Variants in FAM131B observed in about 807,000 individuals in gnomAD.
The protein encoded by FAM131B is family with sequence similarity 131 member B, also known as protein FAM131B.
FAM131B carries 19 observed loss-of-function variants against 42.0 expected under a neutral mutation model. The ratio of observed to expected loss-of-function variants is 0.45; its 90% CI spans 0.32 to 0.66. The LOEUF is 0.66. FAM131B is among the 30% of genes least tolerant of loss of function. The probability of loss-of-function intolerance (pLI) is 0.05; values close to 1 mark genes in which losing one functional copy is unlikely to be tolerated. For missense variants in FAM131B, 370 were observed against 468.4 expected (o/e 0.79, Z 1.94); for synonymous variants, 183 against 177.6 (o/e 1.03, Z -0.24).
chr7:143,380,176 C>T, the FAM131B span: 2 of 984,206 alleles, frequency 2.0e-6, no homozygotes, highest in Non-Finnish European at 1.2e-6. This position sits in a 1 kb window ranked among gnomAD's most constrained non-coding sequence, Gnocchi z 5.0. Context: ...AAGGCCATGA[C>T]TCCTTAGTTT....
chr7:143,371,875 A>C, the FAM131B span, among the ~76,000 whole-genome samples: 5 of 152,226 alleles, frequency 3.3e-5, no homozygotes, highest in African/African-American at 1.2e-4. Context: ...TAACAAGGCC[A>C]TTGTGGCTGA....
rs1803865598 is a variant in FAM131B, at chr7:143,359,786, G to A, written c.139-19C>T. On this transcript the variant is annotated intron_variant, in intron 2 of 6. Coordinates refer to ENST00000443739, the MANE Select transcript of FAM131B (RefSeq NM_001031690.3). This position sits in a 1 kb window ranked among gnomAD's most constrained non-coding sequence, Gnocchi z 5.4. ...GAGTTTGCTGTGAGGAGAGAGGAAA[G>A]GGAATGGGCATCCCAGTCACTCGCA... 6.4e-7 allele frequency: 1 copy of A among 1,560,700 alleles called. No individual in the cohort carries two copies. Among genetic ancestry groups the A allele is most frequent in the Non-Finnish European group, 8.7e-7 (1 of 1,152,308 alleles).
upstream of FAM131B, among the ~76,000 whole-genome samples, chr7:143,367,519 A>G (rs916478428): frequency 6.6e-6 from 1 of 152,180 alleles, no homozygotes; most frequent in Non-Finnish European, 1.5e-5. Flanking sequence ...AGCCTGACCA[A>G]TATGGTGAAA....
upstream of FAM131B, among the ~76,000 whole-genome samples, chr7:143,367,603 G>A (rs1279292132): frequency 1.3e-5 from 2 of 152,140 alleles, no homozygotes; most frequent in East Asian, 3.9e-4. Context: ...TACTCAGGAG[G>A]CTGAGGCAGG....
In FAM131B at chr7:143,356,788, C is replaced by T; in HGVS notation, c.845G>A (p.Gly282Glu). The change falls in exon 7 of 7, where the codon GGG (glycine) becomes GAG (glutamate). Residue 282 changes from glycine (G) to glutamate (E), a missense_variant. Gly to Glu is a moderately conservative substitution (Grantham distance 98). Transcript: ENST00000443739. The surrounding 1 kb of genome is among the most constrained non-coding windows in gnomAD (Gnocchi z 4.4). The stretch of plus-strand genomic sequence containing the variant: ...CCCCGGAGCCCAGTCAGTGTCTCCC[C>T]CCAGCAAAGGTGGAGGCTCCAGAGC... ...YSALEPPPLL[G>E]GDTDWAPGVG... 1.9e-6 allele frequency: 3 copies of T among 1,614,126 alleles called. No homozygotes were observed. Among genetic ancestry groups the T allele is most frequent in the East Asian group, 2.2e-5 (1 of 44,884 alleles).
At chr7:143,379,952 A>T in the FAM131B span, 1 of 592,832 alleles carries the variant, frequency 1.7e-6, no homozygotes, top group Non-Finnish European at 2.1e-6. Flanking sequence ...CCATCTCTTC[A>T]GCTCGGCCTC....
At position 143,362,208 on chromosome 7, in the gene FAM131B, G is replaced by A. The variant is rs889847606; in HGVS notation, c.28+368C>T. 123 of 191,754 alleles carry A rather than the reference G, an allele frequency of 6.4e-4. No individual in the cohort carries two copies. Among genetic ancestry groups the A allele is most frequent in the African/African-American group, 2.8e-3 (118 of 42,864 alleles). The allele number at this position is 191,754 out of a possible 1,614,324, so 11.9% of individuals were successfully genotyped here. A position where few individuals can be genotyped will look rare whatever the true frequency, so the allele number is the denominator to read the frequency against. On this transcript the variant is annotated intron_variant, in intron 1 of 6. Coordinates refer to ENST00000443739, the MANE Select transcript of FAM131B (RefSeq NM_001031690.3). This position sits in a 1 kb window ranked among gnomAD's most constrained non-coding sequence, Gnocchi z 7.7. ...GGGGCTGCTCCGGAGTGGGGGATGC[G>A]AGGAGGCGCTGGGGACGGCGGAGCA...
the FAM131B span, chr7:143,379,976 T>C: frequency 1.2e-6 from 1 of 815,078 alleles, no homozygotes; most frequent in Non-Finnish European, 1.5e-6. Context: ...TTTCTCTTCA[T>C]AAACTTTTGG....
intron 1 of FAM131B, chr7:143,360,375 TTTG>T (rs1803903446): frequency 7.2e-7 from 1 of 1,394,790 alleles, no homozygotes; most frequent in Non-Finnish European, 9.3e-7. Context: ...TATGGCCTTA[TTTG>T]TTGTTGTTTA....
At chr7:143,365,942 G>T (rs1178930707), upstream of FAM131B, among the ~76,000 whole-genome samples, 1 of 152,036 alleles carries the variant, frequency 6.6e-6, no homozygotes, top group Non-Finnish European at 1.5e-5. Flanking sequence ...TTGTAGATGG[G>T]GGTCTCACTA....
In FAM131B at chr7:143,359,225, G is replaced by T; in HGVS notation, c.268+101C>A. ...AGAAGGGTGAATAGGTCAGGGGGTG[G>T]GGATGAGGGTCTTCATCAACCTCGA... On this transcript the variant is annotated intron_variant, in intron 4 of 6. Transcript: ENST00000443739. This position sits in a 1 kb window ranked among gnomAD's most constrained non-coding sequence, Gnocchi z 5.4. 9.5e-7 allele frequency: 1 copy of T among 1,054,282 alleles called. No individual in the cohort carries two copies. The highest frequency in any genetic ancestry group is 1.4e-6 in the Non-Finnish European group (1 of 694,582). The allele number at this position is 1,054,282 out of a possible 1,614,324, so 65.3% of individuals were successfully genotyped here. A position where few individuals can be genotyped will look rare whatever the true frequency, so the allele number is the denominator to read the frequency against.
the FAM131B span, among the ~76,000 whole-genome samples, chr7:143,375,011 G>A: frequency 6.6e-6 from 1 of 152,158 alleles, no homozygotes; most frequent in African/African-American, 2.4e-5. Context: ...CCAAAGGCCT[G>A]AACTCACCAA....
In FAM131B at chr7:143,356,257, G is replaced by A; in HGVS notation, c.*293C>T. The A allele has an allele frequency of 2.3e-6, 1 of 435,260 alleles. No homozygotes were observed. The highest frequency in any genetic ancestry group is 4.1e-6 in the Non-Finnish European group (1 of 240,986). 27.0% of individuals were successfully genotyped at this position (435,260 alleles called of 1,614,324 possible). A position where few individuals can be genotyped will look rare whatever the true frequency, so the allele number is the denominator to read the frequency against. ...CCCCGTCCTCAGGGTGCACACACTGGAGGCTTTGTCGGCACAGACCCAGAA... is the reference window on the plus strand; with the variant it reads ...CCCCGTCCTCAGGGTGCACACACTGAAGGCTTTGTCGGCACAGACCCAGAA... On this transcript the variant is annotated 3_prime_UTR_variant, in exon 7 of 7. Transcript: ENST00000443739. The surrounding 1 kb of genome is among the most constrained non-coding windows in gnomAD (Gnocchi z 4.4).
chr7:143,364,693 C>A (rs1030696010), upstream of FAM131B, among the ~76,000 whole-genome samples: 1 of 152,172 alleles, frequency 6.6e-6, no homozygotes, highest in Non-Finnish European at 1.5e-5. Context: ...ATATTCTAGG[C>A]ATATTCCTGG....
the FAM131B span, among the ~76,000 whole-genome samples, chr7:143,374,190 T>A: frequency 6.6e-6 from 1 of 152,090 alleles, no homozygotes; most frequent in Non-Finnish European, 1.5e-5. Context: ...GACCTGGATA[T>A]CCTACTGCCC....
upstream of FAM131B, among the ~76,000 whole-genome samples, chr7:143,364,884 C>A (rs1804144223): frequency 6.6e-6 from 1 of 152,122 alleles, no homozygotes; most frequent in Non-Finnish European, 1.5e-5. Context: ...AGGGGCTTAA[C>A]CCCCAAATAA....
At chr7:143,357,201 A>G in intron 6 of FAM131B, 79 bp downstream of exon 6, 1 of 1,456,744 alleles carries the variant, frequency 6.9e-7, no homozygotes, top group Non-Finnish European at 9.5e-7. Context: ...TCTTAAAAGA[A>G]CGGAGCTGAG....
chr7:143,373,154 A>T, the FAM131B span, among the ~76,000 whole-genome samples: 5 of 152,110 alleles, frequency 3.3e-5, no homozygotes, highest in African/African-American at 1.2e-4. Flanking sequence ...AAGCTGAGGC[A>T]GGTGGATCAC....
chr7:143,361,996 G>A, intron 1 of FAM131B: 2 of 392,440 alleles, frequency 5.1e-6, no homozygotes, highest in South Asian at 1.0e-4. Flanking sequence ...TCCCGCCCCC[G>A]CCCCAGAGGG....
Sources: allele counts gnomAD v4.1 joint callset (sites outside exome capture counted in the v4.1 genomes callset), GRCh38; gene constraint gnomAD v4.1.1; non-coding constraint Gnocchi (gnomAD v3.1); transcripts MANE v1.5; gene names NCBI Gene and HGNC (gene_info 2026-07-23, HGNC 2026-07-21).